Variants in TUBD1 observed in about 807,000 individuals in gnomAD.
The protein encoded by TUBD1 is tubulin delta 1, also known as tubulin delta chain.
Under a neutral mutation model 51.2 loss-of-function variants are expected in TUBD1, and 38 were observed. The observed-to-expected ratio is 0.74, with a 90% confidence interval of 0.57 to 0.97. The LOEUF is 0.97. Ranked by LOEUF, TUBD1 falls within the 50% of genes least tolerant of loss-of-function variation. The probability of loss-of-function intolerance (pLI) is 0.00; values close to 1 mark genes in which losing one functional copy is unlikely to be tolerated. For synonymous variants in TUBD1, 169 were observed against 178.2 expected, an observed-to-expected ratio of 0.95 and a Z score of 0.41; for missense variants, 489 against 538.4, an observed-to-expected ratio of 0.91 and a Z score of 0.91.
chr17:59,881,082 C>T lies in TUBD1; in HGVS notation c.349G>A (p.Glu117Lys). 1.2e-6 allele frequency: 2 copies of T among 1,614,104 alleles called. No homozygotes were observed. The highest frequency in any genetic ancestry group is 1.7e-6 in the Non-Finnish European group (2 of 1,180,012). ...TTCCGGATTATGTTCATTATAGATT[C>T]TTCATGCCTGGGTCCATGAACAGAG... is the stretch of plus-strand genomic sequence containing the variant. The part of the protein sequence containing the change: ...GYSVHGPRHE[E>K]SIMNIIRKEV... The change falls in exon 4 of 9, where the codon GAA becomes AAA. Residue 117 changes from glutamate (E) to lysine (K), a missense_variant. Glu to Lys is a moderately conservative substitution (Grantham distance 56, BLOSUM62 1). Coordinates refer to ENST00000325752, the MANE Select transcript of TUBD1 (RefSeq NM_016261.4).
intron 2 of TUBD1, among the ~76,000 whole-genome samples, chr17:59,887,645 A>G (rs2040796344): frequency 6.6e-6 from 1 of 152,154 alleles, no homozygotes; most frequent in East Asian, 1.9e-4. Flanking sequence ...GCCATGATTA[A>G]CCACCAAAAA....
In TUBD1 at chr17:59,890,944, A is replaced by G. The variant is rs952048126; in HGVS notation, c.59T>C (p.Phe20Ser). The change falls in exon 2 of 9, where the codon TTT (phenylalanine) becomes TCT (serine). Residue 20 changes from phenylalanine to serine, a missense_variant. By Grantham distance (155) the Phe-to-Ser change is radical (BLOSUM62 -2). Coordinates refer to ENST00000325752, the MANE Select transcript of TUBD1 (RefSeq NM_016261.4). ...GTGTGAGTCACTAAGCAAAGCATCAAAAACTTCAAAACCAATCTGATTGCC... is the reference window on the plus strand; with the variant it reads ...GTGTGAGTCACTAAGCAAAGCATCAGAAACTTCAAAACCAATCTGATTGCC... ...QCGNQIGFEV[F>S]DALLSDSHSS... 8 of 1,613,898 alleles carry G rather than the reference A, an allele frequency of 5.0e-6. No individual in the cohort carries two copies. The African/African-American group carries it at 8.0e-5, about 16-fold the overall frequency.
chr17:59,860,628 CT>C (rs2039398524), intron 8 of TUBD1, among the ~76,000 whole-genome samples: 1 of 151,642 alleles, frequency 6.6e-6, no homozygotes, highest in Admixed American at 6.6e-5. Context: ...GCTCTGTCAC[CT>C]AGGCTGGAGT....
chr17:59,861,816 C>T (rs1363148290), intron 8 of TUBD1, among the ~76,000 whole-genome samples: 4 of 150,632 alleles, frequency 2.7e-5, no homozygotes, highest in Non-Finnish European at 5.9e-5. Flanking sequence ...TACAGGTGCC[C>T]GCCACCACGC....
At chr17:59,883,819 C>A (rs1414517303) in intron 3 of TUBD1, among the ~76,000 whole-genome samples, 1 of 152,152 alleles carries the variant, frequency 6.6e-6, no homozygotes, top group Non-Finnish European at 1.5e-5. Context: ...TCCCAAATTG[C>A]TGGGATTACA....
chr17:59,860,429 T>G lies in TUBD1; in HGVS notation c.1260-5A>C. ...GTGTACTGATGAATGTAGGCTCTGG[T>G]AGAAAAAAAAAAAAAACAGAAATTA... On this transcript the variant is annotated splice_region_variant and splice_polypyrimidine_tract_variant and intron_variant, in intron 8 of 8. Coordinates refer to ENST00000325752, the MANE Select transcript of TUBD1 (RefSeq NM_016261.4). 1 of 1,444,880 alleles carries G rather than the reference T, an allele frequency of 6.9e-7. No homozygotes were observed. 89.5% of individuals were successfully genotyped at this position (1,444,880 alleles called of 1,614,324 possible).
chr17:59,876,751 TA>T, intron 5 of TUBD1, among the ~76,000 whole-genome samples: 2 of 152,072 alleles, frequency 1.3e-5, no homozygotes, highest in Non-Finnish European at 2.9e-5. Context: ...CCTGGCCTCC[TA>T]AAGCACTGGG....
At chr17:59,880,836 T>A in intron 4 of TUBD1, 58 bp downstream of exon 4, 1 of 1,504,956 alleles carries the variant, frequency 6.6e-7, no homozygotes, top group East Asian at 2.3e-5. Context: ...CTTTTACCCA[T>A]ATTTATTTCT....
rs2040975726 is a variant in TUBD1 at position 59,891,016 on chromosome 17, C to T, written c.-14G>A. The T allele has an allele frequency of 6.2e-7, 1 of 1,605,968 alleles. No homozygotes were observed. Among genetic ancestry groups the T allele is most frequent in the Non-Finnish European group, 8.5e-7 (1 of 1,177,120 alleles). On this transcript the variant is annotated 5_prime_UTR_variant, in exon 2 of 9. Transcript: ENST00000325752. ...TACAATTGACATGCTGAGCCACAAA[C>T]TAGGTGTATTACCTCTAAAAACAAC... is the stretch of plus-strand genomic sequence containing the variant.
intron 3 of TUBD1, 56 bp from the exon 4 acceptor site, chr17:59,881,166 G>C (rs1598555450): frequency 7.3e-7 from 1 of 1,369,328 alleles, no homozygotes; most frequent in East Asian, 2.3e-5. Flanking sequence ...CCACAGATAT[G>C]TAATTCAGAG....
intron 2 of TUBD1, among the ~76,000 whole-genome samples, chr17:59,890,337 G>A (rs1222743743): frequency 1.3e-5 from 2 of 152,074 alleles, no homozygotes; most frequent in Non-Finnish European, 2.9e-5. Context: ...TCTGCCTCCT[G>A]GGTTCAAGTG....
intron 6 of TUBD1, among the ~76,000 whole-genome samples, chr17:59,872,072 G>A (rs2040006831): frequency 6.6e-6 from 1 of 152,068 alleles, no homozygotes; most frequent in Admixed American, 6.6e-5. Flanking sequence ...TCCTGCCTCA[G>A]CCTCTTGGGT....
At chr17:59,875,823 C>G (rs751058802) in intron 5 of TUBD1, among the ~76,000 whole-genome samples, 8 of 151,784 alleles carry the variant, frequency 5.3e-5, no homozygotes, top group Non-Finnish European at 1.2e-4. Flanking sequence ...AGGAATGTGC[C>G]TATCTTTAGA....
At chr17:59,875,263 G>A (rs1041693672) in intron 5 of TUBD1, among the ~76,000 whole-genome samples, 1 of 151,118 alleles carries the variant, frequency 6.6e-6, no homozygotes, top group Non-Finnish European at 1.5e-5. Flanking sequence ...CTTTAGTAGA[G>A]ATGAGGTTTC....
At chr17:59,869,428 T>C (rs567623553) in intron 6 of TUBD1, among the ~76,000 whole-genome samples, 20 of 150,322 alleles carry the variant, frequency 1.3e-4, no homozygotes, top group African/African-American at 4.7e-4. Flanking sequence ...TGAGCCAAGA[T>C]CGCGCCACTG....
Position 59,880,994 on chromosome 17 carries a change from G to A in TUBD1, c.437C>T (p.Thr146Ile). 1 of 1,613,992 alleles carries A rather than the reference G, an allele frequency of 6.2e-7. No homozygotes were observed. The highest frequency in any genetic ancestry group is 8.5e-7 in the Non-Finnish European group (1 of 1,179,998). Residue 146 changes from threonine (T) to isoleucine (I), a missense_variant, in exon 4 of 9, where the codon ACA (threonine) becomes ATA (isoleucine). Transcript: ENST00000325752. ...FFIIMSMAGG[T>I]GSGLGAFVTQ... ...AACGAAAGCTCCTAATCCTGATCCT[G>A]TGCCCCCAGCCATACTCATTATGAT...
chr17:59,860,879 G>A (rs981229035), intron 8 of TUBD1, among the ~76,000 whole-genome samples: 8 of 151,716 alleles, frequency 5.3e-5, no homozygotes, highest in African/African-American at 1.7e-4. Flanking sequence ...GAGCCACCAC[G>A]CCCAGCCTGA....
intron 6 of TUBD1, among the ~76,000 whole-genome samples, chr17:59,869,864 A>AT (rs2039897796): frequency 6.6e-6 from 1 of 152,146 alleles, no homozygotes; most frequent in Non-Finnish European, 1.5e-5. Flanking sequence ...CAGACTGAGC[A>AT]TATCAGTTTC....
intron 3 of TUBD1, among the ~76,000 whole-genome samples, chr17:59,882,718 A>T (rs1242407851): frequency 6.6e-6 from 1 of 152,016 alleles, no homozygotes; most frequent in African/African-American, 2.4e-5. Context: ...AGGCTCAAAA[A>T]ATTATCCCAT....
Sources: allele counts gnomAD v4.1 joint callset (sites outside exome capture counted in the v4.1 genomes callset), GRCh38; gene constraint gnomAD v4.1.1; transcripts MANE v1.5; gene names NCBI Gene and HGNC (gene_info 2026-07-23, HGNC 2026-07-21).